SLC24A2: variants seen among roughly 807,000 people sequenced by gnomAD.
SLC24A2 encodes the protein solute carrier family 24 member 2.
SLC24A2 carries 36 observed loss-of-function variants against 62.0 expected under a neutral mutation model. The observed-to-expected ratio is 0.58, with a 90% CI of 0.44 to 0.77. SLC24A2 has a LOEUF of 0.77. Ranked by LOEUF, SLC24A2 falls within the 30% of genes least tolerant of loss-of-function variation. The pLI is 0.00. For missense variants in SLC24A2, 846 were observed against 817.9 expected, an observed-to-expected ratio of 1.03 and a Z score of -0.42; for synonymous variants, 358 against 294.0, an observed-to-expected ratio of 1.22 and a Z score of -2.23.
chr9:19,542,452 C>A (rs868606975), intron 8 of SLC24A2, among the ~76,000 whole-genome samples: 1 of 152,080 alleles, frequency 6.6e-6, no homozygotes, highest in African/African-American at 2.4e-5. Flanking sequence ...GCCTGATTGC[C>A]CTGGCCAGAA....
chr9:20,243,116 A>C, the SLC24A2 span, among the ~76,000 whole-genome samples: 1 of 152,146 alleles, frequency 6.6e-6, no homozygotes, highest in Non-Finnish European at 1.5e-5. Context: ...AAAGGACTCC[A>C]CACCCACCCC....
chr9:19,901,547 T>C, the SLC24A2 span, among the ~76,000 whole-genome samples: 1 of 152,176 alleles, frequency 6.6e-6, no homozygotes. Context: ...ATTATACATA[T>C]TCAGCAGGTT....
the SLC24A2 span, among the ~76,000 whole-genome samples, chr9:19,861,540 T>C: frequency 6.6e-6 from 1 of 152,000 alleles, no homozygotes; most frequent in Non-Finnish European, 1.5e-5. Context: ...CAGATGAACA[T>C]CTACAAAGAT....
the SLC24A2 span, among the ~76,000 whole-genome samples, chr9:20,060,321 C>G: frequency 1.3e-5 from 2 of 152,078 alleles, no homozygotes; most frequent in African/African-American, 2.4e-5. Context: ...CAGCTTTATT[C>G]CTCATACCAA....
the SLC24A2 span, among the ~76,000 whole-genome samples, chr9:20,234,538 A>C: frequency 6.6e-6 from 1 of 152,174 alleles, no homozygotes; most frequent in Admixed American, 6.5e-5. Context: ...AGGCTTCTGC[A>C]TTCATCACGT....
intron 7 of SLC24A2, among the ~76,000 whole-genome samples, chr9:19,552,482 C>A (rs1041443339): frequency 6.6e-6 from 1 of 152,142 alleles, no homozygotes; most frequent in African/African-American, 2.4e-5. Flanking sequence ...GGTACTGCAT[C>A]ATTCTTAATA....
chr9:19,735,642 A>C (rs1038752443), intron 2 of SLC24A2, among the ~76,000 whole-genome samples: 2 of 152,222 alleles, frequency 1.3e-5, no homozygotes, highest in Non-Finnish European at 1.5e-5. Flanking sequence ...GATTAAGAAA[A>C]TGTGGCACAT....
chr9:19,617,256 T>C (rs997933756), intron 4 of SLC24A2, among the ~76,000 whole-genome samples: 1 of 152,110 alleles, frequency 6.6e-6, no homozygotes, highest in Admixed American at 6.5e-5. Flanking sequence ...ATGCAAATGC[T>C]GATTTGAGAG....
chr9:19,664,710 G>A (rs1819199720), intron 2 of SLC24A2, among the ~76,000 whole-genome samples: 1 of 152,168 alleles, frequency 6.6e-6, no homozygotes. Flanking sequence ...AGAGTGAGAA[G>A]AGAGATTTGA....
At chr9:19,906,213 G>A in the SLC24A2 span, among the ~76,000 whole-genome samples, 1 of 152,094 alleles carries the variant, frequency 6.6e-6, no homozygotes, top group Non-Finnish European at 1.5e-5. Context: ...TGAACAACCT[G>A]CTCCTGAATG....
At chr9:20,182,993 CCT>C in the SLC24A2 span, among the ~76,000 whole-genome samples, 3 of 152,112 alleles carry the variant, frequency 2.0e-5, no homozygotes, top group Non-Finnish European at 4.4e-5. Context: ...ATAGTTCAGT[CCT>C]CTCTGCAAAA....
the SLC24A2 span, among the ~76,000 whole-genome samples, chr9:20,039,840 A>C: frequency 6.6e-6 from 1 of 152,168 alleles, no homozygotes; most frequent in Non-Finnish European, 1.5e-5. Context: ...CAAGGATACC[A>C]GATATGAGGA....
the SLC24A2 span, among the ~76,000 whole-genome samples, chr9:19,909,967 C>A: frequency 6.6e-6 from 1 of 152,128 alleles, no homozygotes; most frequent in Non-Finnish European, 1.5e-5. Context: ...GATCCTTCCA[C>A]TGGCCCTTCC....
the SLC24A2 span, among the ~76,000 whole-genome samples, chr9:19,892,699 G>GTT: frequency 1.3e-5 from 2 of 148,216 alleles, no homozygotes; most frequent in Non-Finnish European, 3.0e-5. Context: ...ATCAACTGTT[G>GTT]TTTTTTTTTT....
intron 2 of SLC24A2, among the ~76,000 whole-genome samples, chr9:19,773,165 G>C (rs1822741963): frequency 6.6e-6 from 1 of 152,150 alleles, no homozygotes; most frequent in Non-Finnish European, 1.5e-5. Flanking sequence ...GCAGAGGGAG[G>C]AATTGGGAGA....
the SLC24A2 span, among the ~76,000 whole-genome samples, chr9:20,121,458 G>A: frequency 6.6e-6 from 1 of 152,042 alleles, no homozygotes; most frequent in Non-Finnish European, 1.5e-5. Flanking sequence ...AAGATCATGT[G>A]CATAATGTTA....
chr9:19,722,444 A>C (rs1300797466), intron 2 of SLC24A2, among the ~76,000 whole-genome samples: 1 of 152,134 alleles, frequency 6.6e-6, no homozygotes, highest in African/African-American at 2.4e-5. Context: ...CTCCTTTGGC[A>C]CTATTACATC....
chr9:20,303,568 G>A, the SLC24A2 span, among the ~76,000 whole-genome samples: 2 of 152,104 alleles, frequency 1.3e-5, no homozygotes, highest in African/African-American at 4.8e-5. Flanking sequence ...CATACAGCCA[G>A]GGATACTTCC....
chr9:20,197,746 T>C, the SLC24A2 span, among the ~76,000 whole-genome samples: 1 of 152,112 alleles, frequency 6.6e-6, no homozygotes. Context: ...GGGTGATTTT[T>C]CATATCGACA....
Sources: gnomAD v4.1 joint callset for allele counts (sites outside exome capture counted in the v4.1 genomes callset) on GRCh38, gnomAD v4.1.1 for gene constraint, MANE v1.5 for transcripts, NCBI Gene and HGNC (gene_info 2026-07-23, HGNC 2026-07-21) for gene names.